The following VILL variants were observed in gnomAD, a reference collection of about 807,000 sequenced individuals.
The protein encoded by VILL is villin like, also known as villin-like protein.
A neutral mutation model predicts 106.3 loss-of-function variants in VILL; 102 were observed. The observed-to-expected ratio is 0.96, with a 90% CI of 0.82 to 1.13. The LOEUF (loss-of-function observed/expected upper bound fraction) is 1.13. Ranked by LOEUF, VILL falls within the 50% of genes most tolerant of loss-of-function variation. The pLI is 0.00. For missense variants in VILL, 1,076 were observed against 1,116.6 expected (o/e 0.96, Z 0.52); for synonymous variants, 431 against 440.3 (o/e 0.98, Z 0.27).
rs375835749 is a variant in VILL at position 38,005,369 on chromosome 3, G to A, written c.1951-423G>A. 2.3e-4 allele frequency among the ~76,000 whole-genome samples: 35 copies of A among 152,166 alleles called. No individual in the cohort carries two copies. In the South Asian group the frequency reaches 4.2e-3, roughly 18 times the overall value. ...ACGGCCACCTCGGGGCTTTTACACC[G>A]GTTGTTTCTTCTGGTTAGGACACTT... On this transcript the variant is annotated intron_variant, in intron 16 of 19. Coordinates refer to ENST00000383759, the MANE Select transcript of VILL (RefSeq NM_015873.4).
chr3:37,999,157 G>A, intron 10 of VILL, 107 bp downstream of exon 10: 2 of 1,078,238 alleles, frequency 1.9e-6, no homozygotes, highest in Non-Finnish European at 2.5e-6. Context: ...GGGCGGGGCC[G>A]GAGGGGGCGG....
At chr3:37,990,468 G>A (rs1699595394), upstream of VILL, among the ~76,000 whole-genome samples, 1 of 152,104 alleles carries the variant, frequency 6.6e-6, no homozygotes, top group Non-Finnish European at 1.5e-5. The surrounding 1 kb of genome is among the most constrained non-coding windows in gnomAD (Gnocchi z 5.1). Context: ...AGGGATCAGG[G>A]GCCCATCTAG....
At chr3:38,001,951 G>A in intron 13 of VILL, 91 bp downstream of exon 13, 1 of 1,570,236 alleles carries the variant, frequency 6.4e-7, no homozygotes, top group Non-Finnish European at 8.7e-7. Context: ...TTCTCTTTGG[G>A]CCTGGGGCCT....
Position 38,006,620 on chromosome 3 carries a change from A to G in VILL, c.2377A>G (p.Asn793Asp). 6.2e-7 allele frequency: 1 copy of G among 1,614,006 alleles called. No individual in the cohort carries two copies. Among genetic ancestry groups the G allele is most frequent in the Non-Finnish European group, 8.5e-7 (1 of 1,180,012 alleles). Residue 793 changes from asparagine to aspartate, a missense_variant, in exon 19 of 20, where the codon AAC (asparagine) becomes GAC (aspartate). Physicochemically the swap from Asn to Asp is conservative, Grantham distance 23. Transcript: ENST00000383759. Reference sequence around the variant, plus strand: ...CGTCAGCAGCACCAGCGCCACGATCAACGGGGGCCTGCGCCGGGAACAACT... The same window carrying G: ...CGTCAGCAGCACCAGCGCCACGATCGACGGGGGCCTGCGCCGGGAACAACT... ...SSVSSTSATI[N>D]GGLRREQLMH... is the part of the protein sequence containing the mutation.
intron 1 of VILL, among the ~76,000 whole-genome samples, chr3:37,993,214 A>G (rs1699634899): frequency 6.6e-6 from 1 of 152,180 alleles, no homozygotes; most frequent in Non-Finnish European, 1.5e-5. Context: ...GCGCAGAACC[A>G]CAGAGCACAG....
chr3:37,997,258 C>G lies in VILL; in HGVS notation c.561+71C>G. On this transcript the variant is annotated intron_variant, in intron 6 of 19. Transcript: ENST00000383759. The surrounding 1 kb of genome is among the most constrained non-coding windows in gnomAD (Gnocchi z 4.7). ...GAATGATCCTCCAGTTGACCATCCT[C>G]CGGCCACCCAAAGAGTTGGGCTTGG... 2.0e-6 allele frequency: 3 copies of G among 1,504,138 alleles called. No individual in the cohort carries two copies. The highest frequency in any genetic ancestry group is 1.8e-6 in the Non-Finnish European group (2 of 1,085,758). 93.2% of individuals were successfully genotyped at this position (1,504,138 alleles called of 1,614,324 possible).
At position 38,000,248 on chromosome 3, in the gene VILL, T is replaced by G. The variant is rs548167420; in HGVS notation, c.1182+809T>G. 4.6e-5 allele frequency among the ~76,000 whole-genome samples: 7 copies of G among 152,106 alleles called. No individual in the cohort carries two copies. In the East Asian group the frequency reaches 1.4e-3, roughly 29 times the overall value. On this transcript the variant is annotated intron_variant, in intron 11 of 19. Coordinates refer to ENST00000383759, the MANE Select transcript of VILL (RefSeq NM_015873.4). Reference sequence around the variant, plus strand: ...GCAAGATTTCCTTCTTCCTTTGCCCTAATATGGATGGACAGAAGTGATGAG... The same window carrying G: ...GCAAGATTTCCTTCTTCCTTTGCCCGAATATGGATGGACAGAAGTGATGAG...
upstream of VILL, among the ~76,000 whole-genome samples, chr3:37,989,655 C>T (rs1327484863): frequency 6.6e-6 from 1 of 151,980 alleles, no homozygotes; most frequent in African/African-American, 2.4e-5. Context: ...TCTTCCTGGG[C>T]ACAGAGACAA....
chr3:38,004,903 T>C (rs1270791347), intron 16 of VILL, among the ~76,000 whole-genome samples: 1 of 152,226 alleles, frequency 6.6e-6, no homozygotes, highest in South Asian at 2.1e-4. Context: ...TGAGCAAGAC[T>C]ATGACTGGCT....
chr3:37,993,140 C>G (rs563528834), intron 1 of VILL, among the ~76,000 whole-genome samples: 7 of 152,204 alleles, frequency 4.6e-5, no homozygotes, highest in Non-Finnish European at 7.3e-5. Flanking sequence ...CCTTCCTTCC[C>G]CCAGGTACTT....
At chr3:38,003,933 G>T (rs1022697685) in intron 15 of VILL, 8 of 269,090 alleles carry the variant, frequency 3.0e-5, no homozygotes, top group Admixed American at 4.7e-5. Context: ...CTCTGCCAGG[G>T]GTGGGCTGAG....
Position 38,005,910 on chromosome 3 carries a change from A to G in VILL, c.2069A>G (p.Lys690Arg). 1.2e-6 allele frequency: 2 copies of G among 1,614,160 alleles called. No homozygotes were observed. The highest frequency in any genetic ancestry group is 1.7e-6 in the Non-Finnish European group (2 of 1,180,004). ...CCGGCCACACCCATCGTGCTGGTCA[A>G]GCAGGGCCATGAGCCTCCCACCTTC... ...RSPATPIVLV[K>R]QGHEPPTFIG... Residue 690 changes from lysine (K) to arginine (R), a missense_variant, in exon 17 of 20, where the codon AAG becomes AGG. Coordinates refer to ENST00000383759, the MANE Select transcript of VILL (RefSeq NM_015873.4).
intron 14 of VILL, chr3:38,002,946 T>A: frequency 1.7e-6 from 1 of 574,130 alleles, no homozygotes. Context: ...TCCTATCCCA[T>A]GCTCTGGACC....
rs749084079 is a variant in VILL, at chr3:37,997,074, C to T, written c.451-3C>T. On this transcript the variant is annotated splice_polypyrimidine_tract_variant and splice_region_variant and intron_variant, in intron 5 of 19. Transcript: ENST00000383759. This position sits in a 1 kb window ranked among gnomAD's most constrained non-coding sequence, Gnocchi z 4.7. The stretch of plus-strand genomic sequence containing the variant: ...ACTCTGTCTCTCTCCCTGGCTCTGG[C>T]AGGTGGAGCTCTCCTGGAACAGCTT... 3.7e-6 allele frequency: 6 copies of T among 1,613,420 alleles called. No individual in the cohort carries two copies. The South Asian group carries it at 5.5e-5, about 15-fold the overall frequency.
intron 12 of VILL, 48 bp from the exon 13 acceptor site, chr3:38,001,654 G>A: frequency 6.2e-7 from 1 of 1,613,428 alleles, no homozygotes. Context: ...CTCTGGGAGT[G>A]AAATGTGAGA....
rs760550084 is a variant in VILL at position 37,994,452 on chromosome 3, C to G, written c.327C>G (p.Phe109Leu). 4.3e-6 allele frequency: 7 copies of G among 1,612,470 alleles called. No homozygotes were observed. In the Admixed American group the frequency reaches 1.2e-4, roughly 27 times the overall value. The change falls in exon 4 of 20, where the codon TTC (phenylalanine) becomes TTG (leucine). Residue 109 changes from phenylalanine (F) to leucine (L), a missense_variant. Transcript: ENST00000383759. ...GHESDCFCSY[F>L]RPGIIYRKGG... ...AGTCCGACTGCTTCTGCAGCTACTT[C>G]CGCCCGGGAATCATGTGAGTGCGGG... is the stretch of plus-strand genomic sequence containing the variant.
At chr3:38,006,387 G>C in intron 18 of VILL, 62 bp from the exon 19 acceptor site, 1 of 1,586,828 alleles carries the variant, frequency 6.3e-7, no homozygotes, top group Non-Finnish European at 8.6e-7. Context: ...TGGGTTCAGT[G>C]CAGCCTCCCT....
intron 15 of VILL, 112 bp downstream of exon 15, chr3:38,003,425 A>C (rs1699857159): frequency 7.5e-7 from 1 of 1,341,002 alleles, no homozygotes; most frequent in East Asian, 2.6e-5. Context: ...ACTAGAACCA[A>C]GGACTCTCAG....
intron 4 of VILL, 21 bp downstream of exon 4, chr3:37,994,487 G>A: frequency 6.2e-7 from 1 of 1,605,528 alleles, no homozygotes; most frequent in East Asian, 2.2e-5. Flanking sequence ...GGGCGACCGG[G>A]GCAGGAGGGA....
Sources: gnomAD v4.1 joint callset for allele counts (sites outside exome capture counted in the v4.1 genomes callset) on GRCh38, gnomAD v4.1.1 for gene constraint, Gnocchi (gnomAD v3.1) non-coding constraint, MANE v1.5 for transcripts, NCBI Gene and HGNC (gene_info 2026-07-23, HGNC 2026-07-21) for gene names.